The following PIP4K2A variants were observed in gnomAD, a reference collection of about 807,000 sequenced individuals.
The protein encoded by PIP4K2A is phosphatidylinositol 5-phosphate 4-kinase type-2 alpha.
A neutral mutation model predicts 42.9 loss-of-function variants in PIP4K2A; 14 were observed. The ratio of observed to expected loss-of-function variants is 0.33; its 90% CI spans 0.22 to 0.51. The LOEUF is 0.51. Ranked by LOEUF, PIP4K2A falls within the 20% of genes least tolerant of loss-of-function variation. The pLI, the probability that PIP4K2A is intolerant of heterozygous loss-of-function variation, is 0.97. For missense variants in PIP4K2A, 434 were observed against 519.8 expected (o/e 0.83, Z 1.61); for synonymous variants, 192 against 192.2 (o/e 1.00, Z 0.01).
chr10:22,637,582 C>T (rs1838693830), intron 1 of PIP4K2A, among the ~76,000 whole-genome samples: 1 of 152,188 alleles, frequency 6.6e-6, no homozygotes, highest in South Asian at 2.1e-4. Flanking sequence ...CCCTAACACA[C>T]ATGGGTTATT....
intron 6 of PIP4K2A, among the ~76,000 whole-genome samples, chr10:22,563,775 C>T (rs1836767968): frequency 6.6e-6 from 1 of 152,204 alleles, no homozygotes; most frequent in Non-Finnish European, 1.5e-5. Flanking sequence ...AGTTAAGCAA[C>T]TTCATCCACT....
intron 1 of PIP4K2A, among the ~76,000 whole-genome samples, chr10:22,692,933 T>C (rs929875119): frequency 2.0e-5 from 3 of 152,218 alleles, no homozygotes; most frequent in Admixed American, 1.3e-4. Context: ...CTGATCTCTG[T>C]TTACAGCCAG....
intron 1 of PIP4K2A, among the ~76,000 whole-genome samples, chr10:22,678,790 T>C (rs144375144): frequency 0.011 from 1,606 of 152,338 alleles, 19 homozygotes; most frequent in Middle Eastern, 0.017. Flanking sequence ...TGCAGTCTTA[T>C]TTGTGGCAAA....
chr10:22,647,677 G>A (rs1442928686), intron 1 of PIP4K2A, among the ~76,000 whole-genome samples: 1 of 152,210 alleles, frequency 6.6e-6, no homozygotes, highest in East Asian at 1.9e-4. Flanking sequence ...TTTGTTCCAA[G>A]TAACAAGGAA....
intron 1 of PIP4K2A, among the ~76,000 whole-genome samples, chr10:22,629,179 AT>A (rs1206436295): frequency 6.6e-6 from 1 of 152,246 alleles, no homozygotes; most frequent in Non-Finnish European, 1.5e-5. Flanking sequence ...TTAAGCTTTA[AT>A]ATACAAACAC....
intron 5 of PIP4K2A, among the ~76,000 whole-genome samples, chr10:22,570,052 C>T (rs758905554): frequency 3.3e-5 from 5 of 151,710 alleles, no homozygotes; most frequent in Admixed American, 1.3e-4. Flanking sequence ...CCTACTTGTC[C>T]GAGGCGCTAT....
chr10:22,583,764 G>A (rs571564225), intron 4 of PIP4K2A, among the ~76,000 whole-genome samples: 17 of 152,384 alleles, frequency 1.1e-4, no homozygotes, highest in African/African-American at 3.8e-4. Flanking sequence ...ACTAAGGAAA[G>A]CAAGTGTAGC....
chr10:22,541,765 A>G, intron 8 of PIP4K2A, 39 bp downstream of exon 8: 1 of 1,503,138 alleles, frequency 6.7e-7, no homozygotes, highest in Non-Finnish European at 8.9e-7. Flanking sequence ...AAGTCAAACC[A>G]CTTCACATGC....
intron 3 of PIP4K2A, among the ~76,000 whole-genome samples, chr10:22,598,032 A>G (rs947266774): frequency 4.6e-5 from 7 of 152,230 alleles, no homozygotes; most frequent in Non-Finnish European, 8.8e-5. Flanking sequence ...TTGGAGAGTT[A>G]TATGGTCTGC....
chr10:22,637,682 G>T (rs975741187), intron 1 of PIP4K2A, among the ~76,000 whole-genome samples: 1 of 152,162 alleles, frequency 6.6e-6, no homozygotes, highest in African/African-American at 2.4e-5. Context: ...GCAGTGTAAA[G>T]TGCACCGGCC....
rs1835961976 is a variant in PIP4K2A at position 22,537,377 on chromosome 10, T to A, written c.1141-96A>T. On this transcript the variant is annotated intron_variant, in intron 9 of 9. Coordinates refer to ENST00000376573, the MANE Select transcript of PIP4K2A (RefSeq NM_005028.5). Reference sequence around the variant, plus strand: ...ACAGCTATTTCCAATGGCAACTGAATATACAGCAAGCAATTTTCAAATCCA... The same window carrying A: ...ACAGCTATTTCCAATGGCAACTGAAAATACAGCAAGCAATTTTCAAATCCA... 3.3e-6 allele frequency: 3 copies of A among 912,704 alleles called. No homozygotes were observed. The East Asian group carries it at 8.0e-5, about 24-fold the overall frequency. 56.5% of individuals were successfully genotyped at this position (912,704 alleles called of 1,614,324 possible).
Position 22,536,045 on chromosome 10 carries a change from C to T in PIP4K2A, c.*1156G>A. 2.5e-6 allele frequency: 1 copy of T among 398,470 alleles called. No individual in the cohort carries two copies. 24.7% of individuals were successfully genotyped at this position (398,470 alleles called of 1,614,324 possible). A position where few individuals can be genotyped will look rare whatever the true frequency, so the allele number is the denominator to read the frequency against. On this transcript the variant is annotated 3_prime_UTR_variant, in exon 10 of 10. Transcript: ENST00000376573. ...CTTTACATGTAAACTTCAAAAATCA[C>T]ATGCTGTACATCAAATTTTTAGATT...
chr10:22,676,467 A>G (rs1331139981), intron 1 of PIP4K2A, among the ~76,000 whole-genome samples: 1 of 152,090 alleles, frequency 6.6e-6, no homozygotes, highest in Non-Finnish European at 1.5e-5. Flanking sequence ...AATAGCATTT[A>G]ATGTAGATAT....
At chr10:22,639,371 A>G (rs1564451831) in intron 1 of PIP4K2A, among the ~76,000 whole-genome samples, 1 of 151,902 alleles carries the variant, frequency 6.6e-6, no homozygotes, top group African/African-American at 2.4e-5. Flanking sequence ...AAAAAAAAAA[A>G]AAGAATTAAC....
At chr10:22,641,902 G>C (rs1838790080) in intron 1 of PIP4K2A, 1 of 152,260 alleles carries the variant, frequency 6.6e-6, no homozygotes, top group South Asian at 2.1e-4. Context: ...CTACTCTGCA[G>C]CCAGAATTGT....
chr10:22,661,037 A>G (rs1839196327), intron 1 of PIP4K2A, among the ~76,000 whole-genome samples: 1 of 152,262 alleles, frequency 6.6e-6, no homozygotes, highest in Admixed American at 6.5e-5. Flanking sequence ...GGAGTTATAC[A>G]GAATCTCTCC....
rs1388336592 is a variant in PIP4K2A at position 22,604,654 on chromosome 10, A to ATTAT, written c.339+3272_339+3273insATAA. On this transcript the variant is annotated intron_variant, in intron 3 of 9. Coordinates refer to ENST00000376573, the MANE Select transcript of PIP4K2A (RefSeq NM_005028.5). ...ATTCAAAAAGCAGCTCACATTGATA[A>ATTAT]GCTCAGAAAGAGAGTTGGTTTTTTT... Among the ~76,000 whole-genome samples the ATTAT allele has an allele frequency of 2.0e-5, 3 of 152,132 alleles. No homozygotes were observed. In the East Asian group the frequency reaches 5.8e-4, roughly 29 times the overall value.
At chr10:22,590,544 C>T (rs146007734) in intron 4 of PIP4K2A, among the ~76,000 whole-genome samples, 17 of 152,188 alleles carry the variant, frequency 1.1e-4, no homozygotes, top group South Asian at 6.2e-4. Flanking sequence ...ATTATTATCC[C>T]GACTGTATAA....
chr10:22,669,710 A>T (rs1839413184), intron 1 of PIP4K2A, among the ~76,000 whole-genome samples: 1 of 152,218 alleles, frequency 6.6e-6, no homozygotes, highest in South Asian at 2.1e-4. Flanking sequence ...CGACTTGCCA[A>T]GTTCCAGGTG....
Sources: gnomAD v4.1 joint callset for allele counts (sites outside exome capture counted in the v4.1 genomes callset) on GRCh38, gnomAD v4.1.1 for gene constraint, MANE v1.5 for transcripts, NCBI Gene and HGNC (gene_info 2026-07-23, HGNC 2026-07-21) for gene names.